The following ROBO2 variants were observed in gnomAD, a reference collection of about 807,000 sequenced individuals.
ROBO2 encodes roundabout guidance receptor 2.
ROBO2 carries 53 observed loss-of-function variants against 160.8 expected under a neutral mutation model. The observed-to-expected ratio is 0.33, with a 90% CI of 0.26 to 0.41. The LOEUF is 0.41. Ranked by LOEUF, ROBO2 falls within the 10% of genes least tolerant of loss-of-function variation. The pLI is 1.00. For missense variants in ROBO2, 1,577 were observed against 1,722.4 expected (o/e 0.92, Z 1.49); for synonymous variants, 664 against 611.7 (o/e 1.09, Z -1.26).
intron 2 of ROBO2, among the ~76,000 whole-genome samples, chr3:77,005,427 T>C (rs1413070760): frequency 6.6e-6 from 1 of 152,232 alleles, no homozygotes; most frequent in Non-Finnish European, 1.5e-5. Flanking sequence ...ATATGTTTTA[T>C]AAAGTAAAAT....
intron 2 of ROBO2, among the ~76,000 whole-genome samples, chr3:76,330,406 T>C (rs1386359682): frequency 3.3e-5 from 5 of 152,220 alleles, no homozygotes; most frequent in Admixed American, 3.3e-4. Context: ...CCTGCATGAG[T>C]ATTAGAGCTT....
chr3:76,294,852 A>G (rs1042517218), intron 2 of ROBO2, among the ~76,000 whole-genome samples: 1 of 152,220 alleles, frequency 6.6e-6, no homozygotes, highest in Non-Finnish European at 1.5e-5. Context: ...AATGAGGGAT[A>G]ACATAGAAGT....
intron 2 of ROBO2, among the ~76,000 whole-genome samples, chr3:76,652,992 C>CA (rs1372280181): frequency 6.6e-6 from 1 of 152,006 alleles, no homozygotes; most frequent in Admixed American, 6.6e-5. Flanking sequence ...CCATTTATTA[C>CA]AAATTTTCTG....
At chr3:77,098,277 G>A (rs746238322) in exon 2 of ROBO2, 5 of 1,614,190 alleles carry the variant, frequency 3.1e-6, no homozygotes, top group Non-Finnish European at 4.2e-6. Context: ...AGGAAGCTAC[G>A]TTTGTGTTGC....
chr3:75,981,854 T>C (rs933138722), intron 2 of ROBO2, among the ~76,000 whole-genome samples: 1 of 151,138 alleles, frequency 6.6e-6, no homozygotes. Flanking sequence ...TATCAAGTAG[T>C]AGGTCTTATT....
At chr3:76,793,495 A>G (rs901665697) in intron 2 of ROBO2, among the ~76,000 whole-genome samples, 3 of 151,950 alleles carry the variant, frequency 2.0e-5, no homozygotes, top group African/African-American at 4.8e-5. Context: ...GGGTAGAATG[A>G]GCTGATCTCA....
intron 2 of ROBO2, among the ~76,000 whole-genome samples, chr3:76,588,646 GA>G (rs2086216988): frequency 6.6e-6 from 1 of 152,088 alleles, no homozygotes; most frequent in South Asian, 2.1e-4. Flanking sequence ...GTCTTATGTA[GA>G]GGCATTCAAT....
chr3:77,451,702 C>T (rs915768807), intron 2 of ROBO2, among the ~76,000 whole-genome samples: 1 of 152,030 alleles, frequency 6.6e-6, no homozygotes, highest in Admixed American at 6.6e-5. Context: ...CTTTGATTCT[C>T]CCTTCTACTC....
chr3:76,845,588 C>T (rs2068703652), intron 2 of ROBO2, among the ~76,000 whole-genome samples: 1 of 151,956 alleles, frequency 6.6e-6, no homozygotes, highest in South Asian at 2.1e-4. Flanking sequence ...CACCACCATA[C>T]TGTAATCTCC....
intron 2 of ROBO2, among the ~76,000 whole-genome samples, chr3:77,467,591 C>CTATA (rs770131032): frequency 1.3e-5 from 1 of 76,776 alleles, no homozygotes; most frequent in South Asian, 3.6e-4. Flanking sequence ...CTGTCTGTAT[C>CTATA]TATCTATCTA....
chr3:76,194,657 G>T (rs1225534476), intron 2 of ROBO2, among the ~76,000 whole-genome samples: 4 of 149,442 alleles, frequency 2.7e-5, no homozygotes, highest in Non-Finnish European at 4.4e-5. Flanking sequence ...GTCTCGCTCT[G>T]TTACCAGGCT....
intron 2 of ROBO2, among the ~76,000 whole-genome samples, chr3:75,997,694 CGT>C (rs1280841995): frequency 6.6e-6 from 1 of 151,916 alleles, no homozygotes; most frequent in East Asian, 1.9e-4. Context: ...GGGGTTTCAC[CGT>C]GTTAGACAGG....
intron 2 of ROBO2, among the ~76,000 whole-genome samples, chr3:76,683,806 A>G (rs1488347998): frequency 4.6e-5 from 7 of 151,994 alleles, no homozygotes; most frequent in African/African-American, 1.2e-4. Context: ...GAGAAGTTAT[A>G]AAACAACAAC....
In ROBO2 at chr3:76,521,943, T is replaced by C. The variant is rs77563604; in HGVS notation, c.110-576071T>C. ...TTCACTCTGACTATATGTGCATCTA[T>C]ATGTGGCTTGAAGTTAGCTGTTTGA... On this transcript the variant is annotated intron_variant, in intron 2 of 26. Coordinates refer to the ROBO2 transcript ENST00000487694. Among the ~76,000 whole-genome samples the C allele has an allele frequency of 6.9e-3, 1,047 of 152,310 alleles. 12 individuals carry two copies. Among genetic ancestry groups the C allele is most frequent in the African/African-American group, 0.023 (976 of 41,572 alleles).
At chr3:76,431,097 G>A (rs2076417624) in intron 2 of ROBO2, among the ~76,000 whole-genome samples, 1 of 151,942 alleles carries the variant, frequency 6.6e-6, no homozygotes, top group South Asian at 2.1e-4. Context: ...ATATTTCTGA[G>A]AAACTGAAAA....
chr3:76,079,856 G>C (rs1466853119), intron 2 of ROBO2, among the ~76,000 whole-genome samples: 1 of 151,906 alleles, frequency 6.6e-6, no homozygotes, highest in Non-Finnish European at 1.5e-5. Context: ...AAGAAAGAAG[G>C]AAGAAAGAAA....
chr3:77,470,642 A>G (rs2083264200), intron 2 of ROBO2, among the ~76,000 whole-genome samples: 1 of 152,196 alleles, frequency 6.6e-6, no homozygotes, highest in Admixed American at 6.5e-5. Flanking sequence ...GTGCCTGTTA[A>G]TTAATTTTTA....
intron 2 of ROBO2, among the ~76,000 whole-genome samples, chr3:77,367,368 C>T (rs551643588): frequency 1.7e-4 from 26 of 152,086 alleles, no homozygotes; most frequent in Non-Finnish European, 1.8e-4. Flanking sequence ...CCTTGGAGTA[C>T]GGCATTCCTT....
intron 2 of ROBO2, among the ~76,000 whole-genome samples, chr3:76,634,617 T>A (rs1237604694): frequency 6.6e-6 from 1 of 150,636 alleles, no homozygotes; most frequent in Non-Finnish European, 1.5e-5. Context: ...TAAGGACCAC[T>A]CTAATGGCCT....
Sources: allele counts gnomAD v4.1 joint callset (sites outside exome capture counted in the v4.1 genomes callset), GRCh38; gene constraint gnomAD v4.1.1; transcripts MANE v1.5; gene names NCBI Gene and HGNC (gene_info 2026-07-23, HGNC 2026-07-21).